PRR5: variants seen among roughly 807,000 people sequenced by gnomAD.
PRR5 encodes proline-rich protein 5.
A neutral mutation model predicts 30.6 loss-of-function variants in PRR5; 25 were observed. That is an observed-to-expected ratio of 0.82 (90% CI 0.60 to 1.14). The LOEUF (loss-of-function observed/expected upper bound fraction) is 1.14. Among genes scored for constraint, PRR5 ranks in the 50% most tolerant of loss-of-function variants. The pLI is 0.00. For missense variants in PRR5, 600 were observed against 547.1 expected (o/e 1.10, Z -0.96); for synonymous variants, 286 against 247.1 (o/e 1.16, Z -1.48).
intron 7 of PRR5, among the ~76,000 whole-genome samples, chr22:44,736,386 G>C (rs1336289707): frequency 6.6e-6 from 1 of 152,210 alleles, no homozygotes; most frequent in East Asian, 1.9e-4. Flanking sequence ...CAGCTCCAGT[G>C]GGGCAGGGGC....
chr22:44,702,187 C>CCCCCGGGTCCGA, upstream of PRR5: 4 of 1,002,416 alleles, frequency 4.0e-6, no homozygotes, highest in Non-Finnish European at 4.9e-6. Flanking sequence ...CCTGGGCCCG[C>CCCCCGGGTCCGA]CCCCGGGTCC....
At chr22:44,733,841 G>T (rs987533423) in intron 6 of PRR5, among the ~76,000 whole-genome samples, 1 of 152,188 alleles carries the variant, frequency 6.6e-6, no homozygotes, top group Admixed American at 6.5e-5. Flanking sequence ...GAAACCCCAA[G>T]AGTTCAGGCG....
intron 2 of PRR5, among the ~76,000 whole-genome samples, chr22:44,719,616 C>G (rs969970626): frequency 6.6e-6 from 1 of 152,254 alleles, no homozygotes. Flanking sequence ...CTGTGTTGTC[C>G]GTGCAGAATA....
upstream of PRR5, among the ~76,000 whole-genome samples, chr22:44,676,420 G>GA (rs1923771154): frequency 2.2e-5 from 3 of 133,364 alleles, no homozygotes; most frequent in South Asian, 2.5e-4. Context: ...AAAAAAGAAA[G>GA]AAAGAAAAGA....
At chr22:44,677,652 G>A (rs934411645) in intron 1 of PRR5, among the ~76,000 whole-genome samples, 6 of 152,180 alleles carry the variant, frequency 3.9e-5, no homozygotes, top group South Asian at 2.1e-4. Flanking sequence ...AGGGACCAGC[G>A]GGGGACATGT....
At chr22:44,675,206 C>T (rs1200045631), upstream of PRR5, among the ~76,000 whole-genome samples, 2 of 151,630 alleles carry the variant, frequency 1.3e-5, no homozygotes, top group African/African-American at 2.4e-5. Flanking sequence ...GCCGAGATCT[C>T]GTCACTGCAC....
chr22:44,677,567 G>C (rs1923876152), intron 1 of PRR5, among the ~76,000 whole-genome samples: 2 of 152,226 alleles, frequency 1.3e-5, no homozygotes, highest in South Asian at 4.1e-4. Flanking sequence ...AGGGCAGGGG[G>C]TTCAGATTCT....
chr22:44,735,787 G>A (rs1022445267), intron 7 of PRR5, among the ~76,000 whole-genome samples: 3 of 152,220 alleles, frequency 2.0e-5, no homozygotes, highest in African/African-American at 7.2e-5. Context: ...ACAGAGCTGG[G>A]GCAAGGCCCG....
chr22:44,725,170 AC>A, intron 2 of PRR5, 73 bp from the exon 3 acceptor site: 1 of 1,595,394 alleles, frequency 6.3e-7, no homozygotes, highest in African/African-American at 1.3e-5. Context: ...AGGAGGCCCC[AC>A]CCCAGTCCGT....
intron 1 of PRR5, among the ~76,000 whole-genome samples, chr22:44,708,231 A>G (rs1325028831): frequency 6.6e-6 from 1 of 152,040 alleles, no homozygotes; most frequent in African/African-American, 2.4e-5. Flanking sequence ...AAATAGGGAA[A>G]CCAATGCCAG....
At chr22:44,696,670 C>T (rs1259465348) in intron 1 of PRR5, among the ~76,000 whole-genome samples, 5 of 152,114 alleles carry the variant, frequency 3.3e-5, no homozygotes, top group African/African-American at 1.2e-4. Flanking sequence ...AGGAAGCGGT[C>T]CACCTTCAAA....
intron 1 of PRR5, among the ~76,000 whole-genome samples, chr22:44,681,150 A>G (rs1924246821): frequency 6.6e-6 from 1 of 152,138 alleles, no homozygotes; most frequent in South Asian, 2.1e-4. Context: ...TGAGGCTCAA[A>G]TGACACCAGC....
upstream of PRR5, chr22:44,702,191 C>G (rs1187754559): frequency 2.0e-6 from 2 of 1,025,152 alleles, no homozygotes; most frequent in Non-Finnish European, 2.4e-6. Flanking sequence ...GGCCCGCCCC[C>G]GGGTCCGCCC....
intron 1 of PRR5, among the ~76,000 whole-genome samples, chr22:44,695,870 C>T (rs1925699170): frequency 6.6e-6 from 1 of 150,702 alleles, no homozygotes. Flanking sequence ...CAAAGTGCGC[C>T]CAGCCTGTCA....
chr22:44,736,361 C>T (rs1418868426), intron 7 of PRR5, among the ~76,000 whole-genome samples: 1 of 152,242 alleles, frequency 6.6e-6, no homozygotes, highest in African/African-American at 2.4e-5. Flanking sequence ...GCCCTCCCAC[C>T]ATCCCCTTGG....
chr22:44,732,353 G>A lies in PRR5; in HGVS notation c.517G>A (p.Val173Met), dbSNP rs149238292. The change falls in exon 6 of 8, where the codon GTG becomes ATG. Residue 173 changes from valine (V) to methionine (M), a missense_variant. Physicochemically the swap from Val to Met is conservative, Grantham distance 21 (BLOSUM62 1). Transcript: ENST00000336985. ...TGCGCTGGCCCGGGCCCATGCCCGT[G>A]TGCCCCCTGCCATCGTGCAGATGCT... ...EDALARAHAR[V>M]PPAIVQMLLV... The A allele has an allele frequency of 2.5e-6, 4 of 1,611,308 alleles. No individual in the cohort carries two copies. The highest frequency in any genetic ancestry group is 2.2e-5 in the East Asian group (1 of 44,872).
rs745572575 is a variant in PRR5, at chr22:44,736,794, C to T, written c.714C>T (p.Ser238=). 6.4e-7 allele frequency: 1 copy of T among 1,560,676 alleles called. No homozygotes were observed. The highest frequency in any genetic ancestry group is 1.2e-5 in the South Asian group (1 of 85,950). ...CAGAAAAGCGCCTCCTCCGCCGCTC[C>T]CGCTCGGGGGACGTGCTGGCCAAGA... ...CILEKRLLRR[S]RSGDVLAKNP... The change falls in exon 8 of 8, where the codon TCC becomes TCT. Residue 238 remains serine, a synonymous_variant. Coordinates refer to ENST00000336985, the MANE Select transcript of PRR5 (RefSeq NM_181333.4).
At chr22:44,713,074 A>T (rs1928501793) in intron 1 of PRR5, among the ~76,000 whole-genome samples, 1 of 152,168 alleles carries the variant, frequency 6.6e-6, no homozygotes, top group African/African-American at 2.4e-5. Flanking sequence ...AGGGTCCTGC[A>T]GTCTCTGGGG....
chr22:44,711,059 G>T (rs966277745), intron 1 of PRR5, among the ~76,000 whole-genome samples: 1 of 152,162 alleles, frequency 6.6e-6, no homozygotes, highest in African/African-American at 2.4e-5. Context: ...AGCAGGCAGG[G>T]GTGGGGAGTG....
Sources: gnomAD v4.1 joint callset for allele counts (sites outside exome capture counted in the v4.1 genomes callset) on GRCh38, gnomAD v4.1.1 for gene constraint, MANE v1.5 for transcripts, NCBI Gene and HGNC (gene_info 2026-07-23, HGNC 2026-07-21) for gene names.